RIF1: variants seen among roughly 807,000 people sequenced by gnomAD.
RIF1 encodes the protein telomere-associated protein RIF1.
Under a neutral mutation model 247.1 loss-of-function variants are expected in RIF1, and 45 were observed. The ratio of observed to expected loss-of-function variants is 0.18; its 90% CI spans 0.14 to 0.23. RIF1 has a LOEUF of 0.23. RIF1 is among the 10% of genes least tolerant of loss of function. The pLI is 1.00. For synonymous variants in RIF1, 1,087 were observed against 978.8 expected, an observed-to-expected ratio of 1.11 and a Z score of -2.06; for missense variants, 2,967 against 2,862.5, an observed-to-expected ratio of 1.04 and a Z score of -0.83.
At chr2:151,511,951 G>A (rs749398319), downstream of RIF1, among the ~76,000 whole-genome samples, 4 of 146,842 alleles carry the variant, frequency 2.7e-5, no homozygotes, top group African/African-American at 7.6e-5. Flanking sequence ...GTTGTACCAT[G>A]TTCTTCAGTA....
At position 151,465,832 on chromosome 2, in the gene RIF1, A is replaced by G; in HGVS notation, c.6312A>G (p.Val2104=). 1.2e-6 allele frequency: 2 copies of G among 1,613,156 alleles called. No homozygotes were observed. Among genetic ancestry groups the G allele is most frequent in the Non-Finnish European group, 1.7e-6 (2 of 1,179,082 alleles). ...SEEKLDNNQM[V]MESDILQEDH... is the part of the protein sequence containing the mutation. ...AAAAATTAGATAACAATCAAATGGTAATGGAAAGTGATATTTTACAGGAAG... is the reference window on the plus strand; with the variant it reads ...AAAAATTAGATAACAATCAAATGGTGATGGAAAGTGATATTTTACAGGAAG... The change falls in exon 30 of 36, where the codon GTA becomes GTG. Residue 2104 remains valine, a synonymous_variant. Transcript: ENST00000444746.
chr2:151,441,233 A>G lies in RIF1; in HGVS notation c.1648-672A>G, dbSNP rs1692244798. 2.6e-5 allele frequency among the ~76,000 whole-genome samples: 4 copies of G among 152,194 alleles called. No homozygotes were observed. In the South Asian group the frequency reaches 6.2e-4, roughly 24 times the overall value. ...GACCCTGTCTCAAAAAAGAAAAAAA[A>G]GACAGTATGGTAGTATTTTTGGAGA... is the stretch of plus-strand genomic sequence containing the variant. On this transcript the variant is annotated intron_variant, in intron 15 of 35. Coordinates refer to ENST00000444746, the MANE Select transcript of RIF1 (RefSeq NM_018151.5).
rs555886343 is a variant in RIF1, at chr2:151,441,376, T to TA, written c.1648-522dup. Among the ~76,000 whole-genome samples the TA allele has an allele frequency of 4.7e-4, 72 of 152,224 alleles. No homozygotes were observed. In the South Asian group the frequency reaches 0.014, roughly 29 times the overall value. ...AATTGCAGAATTTCTATTAGTAGTA[T>TA]AAAAAAACATAGAAATAGCCCCAAG... is the stretch of plus-strand genomic sequence containing the variant. On this transcript the variant is annotated intron_variant, in intron 15 of 35. Transcript: ENST00000444746.
chr2:151,507,685 G>A (rs6719297), intron 13 of RIF1: 159,311 of 259,814 alleles, frequency 0.61, 49,831 homozygotes, highest in East Asian at 0.78. Context: ...AGCTTTTATT[G>A]AATAAATTGT....
At chr2:151,512,071 C>T (rs2074916779), downstream of RIF1, among the ~76,000 whole-genome samples, 1 of 129,180 alleles carries the variant, frequency 7.7e-6, no homozygotes, top group Non-Finnish European at 1.5e-5. Context: ...TGCTGTGCTG[C>T]CCAGGCTGGA....
rs1697309687 is a variant in RIF1, at chr2:151,468,522, C to T, written c.6796C>T (p.Pro2266Ser). The change falls in exon 32 of 36, where the codon CCT becomes TCT. Residue 2266 changes from proline (P) to serine (S), a missense_variant. Physicochemically the swap from Pro to Ser is moderately conservative, Grantham distance 74. Coordinates refer to ENST00000444746, the MANE Select transcript of RIF1 (RefSeq NM_018151.5). ...ATTTCTGTCCCCAGGATCACGTAGC[C>T]CTAAATTTAAGAGCTCAAAGAAGTG... ...KGFLSPGSRSPKFKSSKKCLI... is the reference protein window; with the variant it reads ...KGFLSPGSRSSKFKSSKKCLI... The T allele has an allele frequency of 6.2e-7, 1 of 1,613,206 alleles. No homozygotes were observed.
intron 30 of RIF1, among the ~76,000 whole-genome samples, 182 bp downstream of exon 30, chr2:151,466,302 A>G (rs1392107966): frequency 6.6e-6 from 1 of 152,214 alleles, no homozygotes; most frequent in Non-Finnish European, 1.5e-5. Context: ...AGGAGACTGA[A>G]GCCTTTTAGA....
chr2:151,488,677 C>T (rs914061018), intron 9 of RIF1, among the ~76,000 whole-genome samples: 2 of 151,888 alleles, frequency 1.3e-5, no homozygotes, highest in African/African-American at 4.8e-5. Context: ...CTGTATTATT[C>T]TTTGTACTTC....
At chr2:151,488,758 T>C (rs2053472688) in intron 9 of RIF1, among the ~76,000 whole-genome samples, 1 of 152,172 alleles carries the variant, frequency 6.6e-6, no homozygotes, top group African/African-American at 2.4e-5. Context: ...GTATCTAATT[T>C]TATTATTTTA....
chr2:151,524,866 C>T, the RIF1 span, among the ~76,000 whole-genome samples: 18 of 151,732 alleles, frequency 1.2e-4, no homozygotes, highest in Non-Finnish European at 4.4e-5. Context: ...CAGGGTTTCA[C>T]CATATTGGCC....
intron 6 of RIF1, among the ~76,000 whole-genome samples, chr2:151,419,612 C>G (rs1687831794): frequency 6.6e-6 from 1 of 152,164 alleles, no homozygotes; most frequent in African/African-American, 2.4e-5. Flanking sequence ...GTGTGAGCCA[C>G]TGCACCCGGC....
Position 151,468,486 on chromosome 2 carries a change from T to G in RIF1, c.6760T>G (p.Ser2254Ala). Residue 2254 changes from serine to alanine, a missense_variant, in exon 32 of 36, where the codon TCA (serine) becomes GCA (alanine). Around this residue, in one of 7 missense-constraint regions of RIF1, gnomAD observed 2,028 missense variants for 1,825.6 expected, o/e 1.11. Transcript: ENST00000444746. ...PTTQSKHNTT[S>A]AKGFLSPGSR... ...TTCTTCTATCTAGCATAATACCACT[T>G]CAGCCAAAGGATTTCTGTCCCCAGG... 1.9e-6 allele frequency: 3 copies of G among 1,613,110 alleles called. No homozygotes were observed. The highest frequency in any genetic ancestry group is 2.5e-6 in the Non-Finnish European group (3 of 1,179,048).
At chr2:151,462,207 G>A (rs546353954) in intron 27 of RIF1, 35 bp from the exon 28 acceptor site, 15 of 1,344,554 alleles carry the variant, frequency 1.1e-5, no homozygotes, top group African/African-American at 4.4e-5. Context: ...AATATCATCC[G>A]GTTTTTGAAG....
At chr2:151,442,582 C>CTAGGAATAGTATATAAACTAG (rs1558976045) in intron 16 of RIF1, among the ~76,000 whole-genome samples, 1 of 151,768 alleles carries the variant, frequency 6.6e-6, no homozygotes, top group East Asian at 1.9e-4. Context: ...TGTTTATATA[C>CTAGGAATAGTATATAAACTAG]GATAATACTG....
At chr2:151,418,002 TA>T (rs1687508823) in intron 6 of RIF1, among the ~76,000 whole-genome samples, 1 of 152,040 alleles carries the variant, frequency 6.6e-6, no homozygotes, top group Non-Finnish European at 1.5e-5. Flanking sequence ...TAAAAAAGAT[TA>T]AAAAATGGTA....
rs779208601 is a variant in RIF1, at chr2:151,456,639, C to T, written c.2652+19C>T. 5 of 1,359,814 alleles carry T rather than the reference C, an allele frequency of 3.7e-6. No individual in the cohort carries two copies. In the South Asian group the frequency reaches 3.8e-5, roughly 10 times the overall value. 84.2% of individuals were successfully genotyped at this position (1,359,814 alleles called of 1,614,324 possible). On this transcript the variant is annotated intron_variant, in intron 23 of 35. Coordinates refer to ENST00000444746, the MANE Select transcript of RIF1 (RefSeq NM_018151.5). ...CAACAAGGTAAAAATAGACAATTCT[C>T]CATAAACCATACTTTCATGATGAGA...
chr2:151,466,000 C>G lies in RIF1; in HGVS notation c.6480C>G (p.Asp2160Glu). The G allele has an allele frequency of 6.2e-7, 1 of 1,613,924 alleles. No individual in the cohort carries two copies. The highest frequency in any genetic ancestry group is 8.5e-7 in the Non-Finnish European group (1 of 1,179,794). Residue 2160 changes from aspartate (D) to glutamate (E), a missense_variant, in exon 30 of 36, where the codon GAC becomes GAG. Asp to Glu is a conservative substitution (Grantham distance 45, BLOSUM62 2). Around this residue, in one of 7 missense-constraint regions of RIF1, gnomAD observed 2,028 missense variants for 1,825.6 expected, o/e 1.11. Transcript: ENST00000444746. ...ELDPSLVSAN[D>E]SPSGMQTRCV... ...ATCCTTCACTTGTGTCAGCAAATGA[C>G]AGTCCTAGTGGCATGCAGACACGCT...
Position 151,476,325 on chromosome 2 carries a change from A to AG in RIF1, c.*1256dup, listed in dbSNP as rs1235029682. 13 of 152,274 alleles carry AG rather than the reference A, an allele frequency of 8.5e-5. No homozygotes were observed. In the East Asian group the frequency reaches 2.5e-3, roughly 29 times the overall value. The allele number at this position is 152,274 out of a possible 1,614,324, so 9.4% of individuals were successfully genotyped here. A position where few individuals can be genotyped will look rare whatever the true frequency, so the allele number is the denominator to read the frequency against. ...TTGCCTAGGTTTTCTTTTTTTAAAG[A>AG]GGTATGTAATTAAAACCTTTGTAAA... On this transcript the variant is annotated 3_prime_UTR_variant, in exon 36 of 36. Coordinates refer to ENST00000444746, the MANE Select transcript of RIF1 (RefSeq NM_018151.5).
intron 30 of RIF1, 63 bp downstream of exon 30, chr2:151,466,183 A>G (rs1696841517): frequency 1.1e-6 from 1 of 920,200 alleles, no homozygotes; most frequent in Non-Finnish European, 1.7e-6. Flanking sequence ...TTGGCCATAC[A>G]GTGACCTCTG....
Sources: gnomAD v4.1 joint callset for allele counts (sites outside exome capture counted in the v4.1 genomes callset) on GRCh38, gnomAD v4.1.1 for gene constraint, gnomAD v4.1.1 regional missense constraint, MANE v1.5 for transcripts, NCBI Gene and HGNC (gene_info 2026-07-23, HGNC 2026-07-21) for gene names.